Variants in LINGO2 observed in about 807,000 individuals in gnomAD.
LINGO2 encodes leucine rich repeat and Ig domain containing 2.
A neutral mutation model predicts 30.6 loss-of-function variants in LINGO2; 14 were observed. That is an observed-to-expected ratio of 0.46 (90% CI 0.30 to 0.72). The LOEUF is 0.72. LINGO2 is among the 30% of genes least tolerant of loss of function. The pLI, the probability that LINGO2 is intolerant of heterozygous loss-of-function variation, is 0.07. For missense variants in LINGO2, 729 were observed against 751.7 expected, an observed-to-expected ratio of 0.97 and a Z score of 0.35; for synonymous variants, 317 against 288.5, an observed-to-expected ratio of 1.10 and a Z score of -1.00.
the LINGO2 span, among the ~76,000 whole-genome samples, chr9:28,706,404 A>C: frequency 1.3e-5 from 2 of 152,162 alleles, no homozygotes; most frequent in Non-Finnish European, 2.9e-5. Flanking sequence ...TAGCTTTTAC[A>C]TTCAGGAATG....
the LINGO2 span, among the ~76,000 whole-genome samples, chr9:28,976,491 T>A: frequency 6.6e-6 from 1 of 152,124 alleles, no homozygotes; most frequent in South Asian, 2.1e-4. Flanking sequence ...GTAACCACAT[T>A]CAACATTGCA....
chr9:29,206,642 T>C, the LINGO2 span, among the ~76,000 whole-genome samples: 2 of 152,172 alleles, frequency 1.3e-5, no homozygotes, highest in African/African-American at 2.4e-5. Context: ...TGTATTGTTA[T>C]TTTGTATAGC....
chr9:28,018,179 C>CT (rs1563916549), intron 4 of LINGO2, among the ~76,000 whole-genome samples: 1 of 152,104 alleles, frequency 6.6e-6, no homozygotes, highest in Non-Finnish European at 1.5e-5. Flanking sequence ...AACTGGACCC[C>CT]TTCCTTACAC....
At chr9:28,044,950 A>G (rs1367212468) in intron 4 of LINGO2, among the ~76,000 whole-genome samples, 1 of 152,120 alleles carries the variant, frequency 6.6e-6, no homozygotes, top group Non-Finnish European at 1.5e-5. Flanking sequence ...AAAGATGGTT[A>G]GACAGACGAG....
intron 1 of LINGO2, among the ~76,000 whole-genome samples, chr9:28,662,231 C>T (rs56001377): frequency 0.023 from 3,534 of 152,192 alleles, 62 homozygotes; most frequent in Non-Finnish European, 0.032. Context: ...CAGAGCGGGG[C>T]CCAATGCAAA....
chr9:29,141,927 C>T, the LINGO2 span, among the ~76,000 whole-genome samples: 1 of 151,760 alleles, frequency 6.6e-6, no homozygotes, highest in East Asian at 1.9e-4. Flanking sequence ...ATTGACAGAA[C>T]TGAAGGATGA....
the LINGO2 span, among the ~76,000 whole-genome samples, chr9:28,716,964 A>G: frequency 6.6e-6 from 1 of 152,078 alleles, no homozygotes; most frequent in African/African-American, 2.4e-5. Context: ...GCAAATATAC[A>G]TTTTAGTATA....
At chr9:28,526,609 C>T (rs1447328595) in intron 1 of LINGO2, among the ~76,000 whole-genome samples, 1 of 152,154 alleles carries the variant, frequency 6.6e-6, no homozygotes. Flanking sequence ...TAAATGAATT[C>T]TATGGCCTTC....
chr9:29,137,884 G>A, the LINGO2 span, among the ~76,000 whole-genome samples: 1 of 151,976 alleles, frequency 6.6e-6, no homozygotes. Flanking sequence ...TTTCTGATCT[G>A]TAAAATGGAG....
chr9:28,358,598 G>A (rs1327439621), intron 3 of LINGO2, among the ~76,000 whole-genome samples: 2 of 152,130 alleles, frequency 1.3e-5, no homozygotes, highest in Admixed American at 6.6e-5. Flanking sequence ...TTGAGCCCAT[G>A]ACCTCTGGAA....
chr9:29,184,454 A>G, the LINGO2 span, among the ~76,000 whole-genome samples: 1 of 152,112 alleles, frequency 6.6e-6, no homozygotes, highest in Non-Finnish European at 1.5e-5. Context: ...ATAGGGGGGA[A>G]GAAGTAGAGG....
chr9:28,940,949 G>A, the LINGO2 span, among the ~76,000 whole-genome samples: 130 of 151,218 alleles, frequency 8.6e-4, no homozygotes, highest in African/African-American at 2.7e-3. Context: ...AGAGAAAATT[G>A]ACTAATGTAT....
intron 4 of LINGO2, among the ~76,000 whole-genome samples, chr9:28,071,018 G>A (rs962222374): frequency 1.3e-5 from 2 of 152,100 alleles, no homozygotes; most frequent in Non-Finnish European, 2.9e-5. Flanking sequence ...CCTGGCCCCA[G>A]TACTACTGTT....
chr9:29,062,876 A>G, the LINGO2 span, among the ~76,000 whole-genome samples: 2 of 152,088 alleles, frequency 1.3e-5, no homozygotes, highest in African/African-American at 4.8e-5. Flanking sequence ...CTCAGAAGCA[A>G]TGTCTTTCCA....
intron 4 of LINGO2, among the ~76,000 whole-genome samples, chr9:28,013,147 CTAG>C (rs1289908826): frequency 2.0e-5 from 3 of 152,134 alleles, no homozygotes; most frequent in Non-Finnish European, 4.4e-5. Context: ...CACTGGGTCT[CTAG>C]TAACAATCAG....
At chr9:28,145,055 A>T (rs780646730) in intron 4 of LINGO2, among the ~76,000 whole-genome samples, 1 of 152,228 alleles carries the variant, frequency 6.6e-6, no homozygotes, top group Admixed American at 6.5e-5. Context: ...CAAGGAGACC[A>T]TCTAAGCAGA....
In LINGO2 at chr9:28,482,697, T is replaced by C. The variant is rs138850887; in HGVS notation, c.-364-6672A>G. Among the ~76,000 whole-genome samples the C allele has an allele frequency of 5.9e-3, 905 of 152,218 alleles. 13 individuals are homozygous for C. Among genetic ancestry groups the C allele is most frequent in the African/African-American group, 0.021 (861 of 41,552 alleles). ...TGGTGTTTTAGACATGAAGCATATC[T>C]ACAACTATCTGATCTTTGGCAAACC... is the stretch of plus-strand genomic sequence containing the variant. On this transcript the variant is annotated intron_variant, in intron 1 of 5. Coordinates refer to ENST00000379992, the Ensembl canonical transcript of LINGO2.
At chr9:28,260,487 G>A (rs1226154381) in intron 4 of LINGO2, among the ~76,000 whole-genome samples, 1 of 151,824 alleles carries the variant, frequency 6.6e-6, no homozygotes, top group Non-Finnish European at 1.5e-5. Context: ...CTTAGTCACT[G>A]TTTAACATGA....
chr9:28,365,050 A>G (rs974927621), intron 3 of LINGO2, among the ~76,000 whole-genome samples: 4 of 152,200 alleles, frequency 2.6e-5, no homozygotes, highest in African/African-American at 4.8e-5. Context: ...GTTAAGTGCT[A>G]TAATAGACAT....
Sources: gnomAD v4.1 joint callset for allele counts (sites outside exome capture counted in the v4.1 genomes callset) on GRCh38, gnomAD v4.1.1 for gene constraint, MANE v1.5 for transcripts, NCBI Gene and HGNC (gene_info 2026-07-23, HGNC 2026-07-21) for gene names.